The following SLC35F1 variants were observed in gnomAD, a reference collection of about 807,000 sequenced individuals.
SLC35F1 encodes the protein solute carrier family 35 member F1, also known as chromosome 6 open reading frame 169.
A neutral mutation model predicts 48.7 loss-of-function variants in SLC35F1; 14 were observed. The observed-to-expected ratio is 0.29, with a 90% CI of 0.19 to 0.45. SLC35F1 has a LOEUF of 0.45. Among genes scored for constraint, SLC35F1 ranks in the 20% least tolerant of loss-of-function variants. The probability of loss-of-function intolerance (pLI) is 1.00; values close to 1 mark genes in which losing one functional copy is unlikely to be tolerated. For synonymous variants in SLC35F1, 190 were observed against 202.2 expected, an observed-to-expected ratio of 0.94 and a Z score of 0.51; for missense variants, 404 against 500.0, an observed-to-expected ratio of 0.81 and a Z score of 1.83.
In SLC35F1 at chr6:118,091,270, G is replaced by C. The variant is rs142430072; in HGVS notation, c.174-63175G>C. 4.6e-3 allele frequency among the ~76,000 whole-genome samples: 695 copies of C among 152,292 alleles called. 5 individuals carry two copies. Among genetic ancestry groups the C allele is most frequent in the African/African-American group, 0.015 (638 of 41,572 alleles). On this transcript the variant is annotated intron_variant, in intron 1 of 7. Coordinates refer to ENST00000360388, the MANE Select transcript of SLC35F1 (RefSeq NM_001029858.4). ...AGTTACCAAATGATATGATTTGGCTGTGTCCCCACCCAAATCACATCTTAA... is the reference window on the plus strand; with the variant it reads ...AGTTACCAAATGATATGATTTGGCTCTGTCCCCACCCAAATCACATCTTAA...
intron 1 of SLC35F1, among the ~76,000 whole-genome samples, chr6:117,920,822 T>C (rs1274592470): frequency 6.6e-6 from 1 of 152,168 alleles, no homozygotes; most frequent in Non-Finnish European, 1.5e-5. Context: ...TCTGGAAATA[T>C]AAGTTCCCAG....
At position 118,115,403 on chromosome 6, in the gene SLC35F1, G is replaced by A. The variant is rs144076512; in HGVS notation, c.174-39042G>A. 5.9e-3 allele frequency among the ~76,000 whole-genome samples: 903 copies of A among 152,294 alleles called. 3 individuals are homozygous for A. The highest frequency in any genetic ancestry group is 0.034 in the Middle Eastern group (10 of 294). On this transcript the variant is annotated intron_variant, in intron 1 of 7. Coordinates refer to ENST00000360388, the MANE Select transcript of SLC35F1 (RefSeq NM_001029858.4). Reference sequence around the variant, plus strand: ...AAAGGTGAGGTGATGGAGGAATCAAGGACAGAGTGGTGGTTTTAATGATAA... The same window carrying A: ...AAAGGTGAGGTGATGGAGGAATCAAAGACAGAGTGGTGGTTTTAATGATAA...
At chr6:118,067,080 A>C (rs189435568) in intron 1 of SLC35F1, among the ~76,000 whole-genome samples, 2 of 152,342 alleles carry the variant, frequency 1.3e-5, no homozygotes, top group African/African-American at 4.8e-5. Flanking sequence ...AGTAAAGTTC[A>C]AACATATTTT....
chr6:118,288,783 G>T (rs1043154480), intron 7 of SLC35F1, among the ~76,000 whole-genome samples: 2 of 152,048 alleles, frequency 1.3e-5, no homozygotes, highest in Admixed American at 6.6e-5. Context: ...GAGAGGGAGG[G>T]TCCATTCAGA....
chr6:117,919,437 A>C (rs1424694428), intron 1 of SLC35F1, among the ~76,000 whole-genome samples: 1 of 152,166 alleles, frequency 6.6e-6, no homozygotes, highest in Admixed American at 6.5e-5. Context: ...AGCACCATGT[A>C]ACTGTTATCC....
chr6:118,030,616 G>T (rs561735710), intron 1 of SLC35F1, among the ~76,000 whole-genome samples: 50 of 152,242 alleles, frequency 3.3e-4, no homozygotes, highest in African/African-American at 1.2e-3. Flanking sequence ...AAGATCTTTG[G>T]GGGTGGGGAG....
In SLC35F1 at chr6:118,134,314, C is replaced by A. The variant is rs1446780591; in HGVS notation, c.174-20131C>A. ...GCTGCATCTTATAGTCCATTTATCTCATTGCTTACTATGAAATTCTCCTCT... is the reference window on the plus strand; with the variant it reads ...GCTGCATCTTATAGTCCATTTATCTAATTGCTTACTATGAAATTCTCCTCT... On this transcript the variant is annotated intron_variant, in intron 1 of 7. Coordinates refer to ENST00000360388, the MANE Select transcript of SLC35F1 (RefSeq NM_001029858.4). Among the ~76,000 whole-genome samples the A allele has an allele frequency of 1.3e-5, 2 of 152,158 alleles. 1 individual carries two copies. The highest frequency in any genetic ancestry group is 3.9e-4 in the East Asian group (2 of 5,184).
intron 1 of SLC35F1, among the ~76,000 whole-genome samples, chr6:118,025,457 C>CT (rs1777450028): frequency 1.3e-5 from 2 of 152,228 alleles, no homozygotes; most frequent in Admixed American, 1.3e-4. Context: ...TAGTATTTGT[C>CT]AGATTTTACC....
chr6:117,923,684 T>C (rs1279646501), intron 1 of SLC35F1, among the ~76,000 whole-genome samples: 2 of 93,126 alleles, frequency 2.1e-5, no homozygotes, highest in African/African-American at 7.3e-5. Context: ...TGTACATATA[T>C]ACATATGTAC....
intron 2 of SLC35F1, among the ~76,000 whole-genome samples, chr6:118,226,679 A>C (rs1213837693): frequency 1.3e-5 from 2 of 152,192 alleles, no homozygotes; most frequent in African/African-American, 4.8e-5. Context: ...GATAGAGAGT[A>C]GACTCGTGGT....
chr6:118,136,325 G>A (rs886207674), intron 1 of SLC35F1, among the ~76,000 whole-genome samples: 6 of 152,180 alleles, frequency 3.9e-5, no homozygotes, highest in African/African-American at 1.4e-4. Context: ...TCTTTGAAGA[G>A]ATAGAGACAT....
At chr6:117,966,843 C>G (rs1218083093) in intron 1 of SLC35F1, among the ~76,000 whole-genome samples, 1 of 152,158 alleles carries the variant, frequency 6.6e-6, no homozygotes, top group Non-Finnish European at 1.5e-5. Flanking sequence ...TACCCTGTGT[C>G]CAAATACAGT....
chr6:117,940,994 C>T (rs1342684334), intron 1 of SLC35F1, among the ~76,000 whole-genome samples: 1 of 152,114 alleles, frequency 6.6e-6, no homozygotes, highest in Non-Finnish European at 1.5e-5. Flanking sequence ...GAAAACTTCT[C>T]TTCAAAATAC....
In SLC35F1 at chr6:117,923,638, C is replaced by CATATACGT. The variant is rs1562238569; in HGVS notation, c.173+15743_173+15744insACGTATAT. Among the ~76,000 whole-genome samples, 10 of 50,964 alleles carry CATATACGT rather than the reference C, an allele frequency of 2.0e-4. 2 individuals are homozygous for CATATACGT. Among genetic ancestry groups the CATATACGT allele is most frequent in the South Asian group, 6.4e-4 (1 of 1,558 alleles). 33.4% of individuals were successfully genotyped at this position (50,964 alleles called of 152,430 possible). ...ACATATGTATATATACATATATGTA[C>CATATACGT]ATATGTACATATGTACATATGTATA... On this transcript the variant is annotated intron_variant, in intron 1 of 7. Transcript: ENST00000360388.
At chr6:118,014,068 A>G (rs945920480) in intron 1 of SLC35F1, among the ~76,000 whole-genome samples, 12 of 152,224 alleles carry the variant, frequency 7.9e-5, no homozygotes, top group African/African-American at 2.9e-4. Flanking sequence ...CTTGCATTCG[A>G]ATCAGTGTTT....
At chr6:118,140,780 T>A (rs1245697085) in intron 1 of SLC35F1, among the ~76,000 whole-genome samples, 1 of 152,130 alleles carries the variant, frequency 6.6e-6, no homozygotes, top group East Asian at 1.9e-4. Flanking sequence ...CCTTGATCCT[T>A]TGTAGGCCTA....
At chr6:118,075,593 G>C (rs1482600176) in intron 1 of SLC35F1, among the ~76,000 whole-genome samples, 1 of 152,106 alleles carries the variant, frequency 6.6e-6, no homozygotes, top group Non-Finnish European at 1.5e-5. Flanking sequence ...TTGTATTTTT[G>C]TTTGTGCATT....
intron 3 of SLC35F1, among the ~76,000 whole-genome samples, chr6:118,237,312 G>C (rs1165966573): frequency 9.0e-6 from 1 of 111,184 alleles, no homozygotes; most frequent in East Asian, 2.7e-4. Flanking sequence ...AAGACCTCAT[G>C]AATTCTAAGA....
chr6:118,085,478 C>CTTTTT (rs1299611336), intron 1 of SLC35F1, among the ~76,000 whole-genome samples: 1 of 80,160 alleles, frequency 1.2e-5, no homozygotes, highest in Non-Finnish European at 2.7e-5. Context: ...CTTTTTTTTT[C>CTTTTT]TTTCTTTCCT....
Sources: gnomAD v4.1 joint callset for allele counts (sites outside exome capture counted in the v4.1 genomes callset) on GRCh38, gnomAD v4.1.1 for gene constraint, MANE v1.5 for transcripts, NCBI Gene and HGNC (gene_info 2026-07-23, HGNC 2026-07-21) for gene names.